The following DMXL2 variants were observed in gnomAD, a reference collection of about 807,000 sequenced individuals.
DMXL2 encodes the protein Dmx like 2, also known as dmX-like protein 2.
In DMXL2, 103 loss-of-function variants were observed where a neutral mutation model predicts 331.1. The ratio of observed to expected loss-of-function variants is 0.31; its 90% CI spans 0.27 to 0.37. The LOEUF (loss-of-function observed/expected upper bound fraction) is 0.37. DMXL2 is among the 10% of genes least tolerant of loss of function. The pLI is 1.00. For synonymous variants in DMXL2, 1,281 were observed against 1,252.1 expected, an observed-to-expected ratio of 1.02 and a Z score of -0.49; for missense variants, 3,171 against 3,642.9, an observed-to-expected ratio of 0.87 and a Z score of 3.33.
intron 1 of DMXL2, among the ~76,000 whole-genome samples, chr15:51,619,502 A>G (rs1229364903): frequency 2.6e-5 from 4 of 152,224 alleles, no homozygotes; most frequent in Non-Finnish European, 5.9e-5. Context: ...CTGCAGTACC[A>G]TGTCAATATT....
intron 8 of DMXL2, 93 bp downstream of exon 8, chr15:51,545,490 G>A (rs2048838919): frequency 4.6e-6 from 5 of 1,090,276 alleles, no homozygotes; most frequent in Admixed American, 2.0e-5. Flanking sequence ...CTCATTACAT[G>A]TACCATGTGT....
At chr15:51,613,319 TA>T (rs1265924178) in intron 1 of DMXL2, among the ~76,000 whole-genome samples, 1 of 152,158 alleles carries the variant, frequency 6.6e-6, no homozygotes, top group African/African-American at 2.4e-5. Flanking sequence ...AAGACAGGTG[TA>T]AGAAATTATG....
chr15:51,621,684 T>C (rs1408345526), intron 1 of DMXL2, among the ~76,000 whole-genome samples: 1 of 152,202 alleles, frequency 6.6e-6, no homozygotes, highest in African/African-American at 2.4e-5. Context: ...TAAAACGTTA[T>C]GTATACATAC....
At chr15:51,561,143 T>C (rs1441875142) in intron 6 of DMXL2, among the ~76,000 whole-genome samples, 1 of 151,892 alleles carries the variant, frequency 6.6e-6, no homozygotes, top group African/African-American at 2.4e-5. Context: ...GATAGTAAAA[T>C]AGAGAATTAG....
intron 1 of DMXL2, among the ~76,000 whole-genome samples, chr15:51,608,677 C>T (rs939474359): frequency 6.6e-6 from 1 of 152,116 alleles, no homozygotes; most frequent in African/African-American, 2.4e-5. Flanking sequence ...ACAAAATAAT[C>T]TGTACACCAA....
intron 29 of DMXL2, among the ~76,000 whole-genome samples, chr15:51,467,972 C>T (rs2040751084): frequency 6.6e-6 from 1 of 152,172 alleles, no homozygotes; most frequent in Non-Finnish European, 1.5e-5. Flanking sequence ...ATGATCTGCC[C>T]ACCTTGGCCT....
chr15:51,609,930 TAA>T (rs35412082), intron 1 of DMXL2, among the ~76,000 whole-genome samples: 6 of 100,086 alleles, frequency 6.0e-5, no homozygotes, highest in East Asian at 2.7e-4. Context: ...AAGTCAGTCT[TAA>T]AAAAAAAAAA....
At chr15:51,585,700 C>T (rs2051766571) in intron 1 of DMXL2, among the ~76,000 whole-genome samples, 2 of 152,140 alleles carry the variant, frequency 1.3e-5, no homozygotes, top group Non-Finnish European at 2.9e-5. Context: ...ACTCACTAAC[C>T]CCAATCATTA....
chr15:51,554,666 C>T (rs1246585760), intron 6 of DMXL2, among the ~76,000 whole-genome samples: 1 of 152,074 alleles, frequency 6.6e-6, no homozygotes. Context: ...AGTTTAAAAA[C>T]AATGAGGCAA....
chr15:51,512,933 T>C (rs2046842331), intron 15 of DMXL2, among the ~76,000 whole-genome samples: 1 of 152,150 alleles, frequency 6.6e-6, no homozygotes, highest in African/African-American at 2.4e-5. Context: ...AATTATGCAC[T>C]ATAATTTTGT....
At position 51,453,541 on chromosome 15, in the gene DMXL2, T is replaced by C. The variant is rs773320191; in HGVS notation, c.8696+9A>G. ...TTATATTTCTTACTTTGCTTTTCTG[T>C]CAACCTACCTATTGTCATTGGAGTG... On this transcript the variant is annotated intron_variant, in intron 41 of 43. Coordinates refer to ENST00000560891, the MANE Select transcript of DMXL2 (RefSeq NM_001378457.1). 1.3e-6 allele frequency: 2 copies of C among 1,585,252 alleles called. No individual in the cohort carries two copies. Among genetic ancestry groups the C allele is most frequent in the East Asian group, 4.6e-5 (2 of 43,734 alleles).
At chr15:51,519,155 G>A (rs1054507567) in intron 13 of DMXL2, among the ~76,000 whole-genome samples, 1 of 151,652 alleles carries the variant, frequency 6.6e-6, no homozygotes, top group African/African-American at 2.4e-5. Context: ...TTTTTTAATG[G>A]TTAACATTCT....
chr15:51,496,619 G>C (rs1234213942), intron 18 of DMXL2, among the ~76,000 whole-genome samples: 1 of 152,218 alleles, frequency 6.6e-6, no homozygotes, highest in Non-Finnish European at 1.5e-5. Flanking sequence ...AGAATCACTG[G>C]TTCCTAAGCA....
Position 51,536,317 on chromosome 15 carries a change from G to C in DMXL2, c.2163C>G (p.Ile721Met). 6.2e-7 allele frequency: 1 copy of C among 1,614,036 alleles called. No homozygotes were observed. The highest frequency in any genetic ancestry group is 1.3e-5 in the African/African-American group (1 of 75,036). The change falls in exon 12 of 44, where the codon ATC (isoleucine) becomes ATG (methionine). Residue 721 changes from isoleucine to methionine, a missense_variant. Ile to Met is a conservative substitution (Grantham distance 10). Around this residue, in one of 7 missense-constraint regions of DMXL2, gnomAD observed 1,674 missense variants for 1,780.2 expected, o/e 0.94. Coordinates refer to ENST00000560891, the MANE Select transcript of DMXL2 (RefSeq NM_001378457.1). ...ATRTFHDPNAIYSELILWRVD... is the reference protein window; with the variant it reads ...ATRTFHDPNAMYSELILWRVD... ...CACGCCACAGAATAAGTTCACTGTA[G>C]ATTGCATTTGGGTCATGAAATGTAC... is the stretch of plus-strand genomic sequence containing the variant.
Position 51,518,803 on chromosome 15 carries a change from C to T in DMXL2, c.2437-1636G>A, listed in dbSNP as rs558402164. Among the ~76,000 whole-genome samples the T allele has an allele frequency of 7.7e-4, 117 of 152,276 alleles. 1 individual carries two copies. Among genetic ancestry groups the T allele is most frequent in the Admixed American group, 2.1e-3 (32 of 15,292 alleles). On this transcript the variant is annotated intron_variant, in intron 13 of 43. Transcript: ENST00000560891. ...AACTCTCTGCCAGCACTATAATTAA[C>T]AGACTTTCTGAACACTACACTACAG...
chr15:51,568,695 C>T, intron 2 of DMXL2, 137 bp from the exon 3 acceptor site: 1 of 630,068 alleles, frequency 1.6e-6, no homozygotes. Context: ...ATAAATATAC[C>T]TGGAAGTGTA....
intron 13 of DMXL2, among the ~76,000 whole-genome samples, chr15:51,528,056 T>C (rs976884174): frequency 1.3e-4 from 19 of 151,482 alleles, no homozygotes; most frequent in Non-Finnish European, 8.9e-5. Context: ...GCAAGCTTCA[T>C]GGTAACCTCA....
intron 6 of DMXL2, among the ~76,000 whole-genome samples, chr15:51,551,617 A>G (rs78603441): frequency 6.6e-6 from 1 of 152,136 alleles, no homozygotes; most frequent in East Asian, 1.9e-4. Flanking sequence ...TTAAAAACAA[A>G]ATCAGTCCTC....
chr15:51,541,656 A>G (rs1244479126), intron 9 of DMXL2, among the ~76,000 whole-genome samples: 2 of 152,210 alleles, frequency 1.3e-5, no homozygotes, highest in African/African-American at 4.8e-5. Flanking sequence ...CTCCAGTTCA[A>G]TAACATACAA....
Sources: allele counts gnomAD v4.1 joint callset (sites outside exome capture counted in the v4.1 genomes callset), GRCh38; gene constraint gnomAD v4.1.1; regional missense constraint gnomAD v4.1.1; transcripts MANE v1.5; gene names NCBI Gene and HGNC (gene_info 2026-07-23, HGNC 2026-07-21).